Variants in CAMK1D observed in about 807,000 individuals in gnomAD.
CAMK1D encodes calcium/calmodulin dependent protein kinase ID, also known as calcium/calmodulin-dependent protein kinase type 1D.
Under a neutral mutation model 47.7 loss-of-function variants are expected in CAMK1D, and 9 were observed. That is an observed-to-expected ratio of 0.19 (90% CI 0.11 to 0.33). CAMK1D has a LOEUF of 0.33. Ranked by LOEUF, CAMK1D falls within the 10% of genes least tolerant of loss-of-function variation. The probability of loss-of-function intolerance (pLI) is 1.00; values close to 1 mark genes in which losing one functional copy is unlikely to be tolerated. For missense variants in CAMK1D, 291 were observed against 488.7 expected (o/e 0.60, Z 3.81); for synonymous variants, 184 against 184.9 (o/e 0.99, Z 0.04).
chr10:12,407,651 G>T (rs898447646), intron 1 of CAMK1D, among the ~76,000 whole-genome samples: 1 of 152,162 alleles, frequency 6.6e-6, no homozygotes, highest in African/African-American at 2.4e-5. Flanking sequence ...TGGTTGAGCT[G>T]GTTGATTGAA....
chr10:12,658,974 A>G (rs1360433956), intron 2 of CAMK1D, among the ~76,000 whole-genome samples: 1 of 152,178 alleles, frequency 6.6e-6, no homozygotes, highest in Non-Finnish European at 1.5e-5. Flanking sequence ...TGATTAACAC[A>G]AGCTGCTTAC....
intron 1 of CAMK1D, among the ~76,000 whole-genome samples, chr10:12,387,389 ATTATATAT>A (rs1259719344): frequency 2.5e-4 from 8 of 31,700 alleles, no homozygotes; most frequent in South Asian, 4.5e-3. Context: ...TATTATATAT[ATTATATAT>A]TTTTATATAT....
At chr10:12,516,355 C>T (rs1835211829) in intron 1 of CAMK1D, among the ~76,000 whole-genome samples, 1 of 152,184 alleles carries the variant, frequency 6.6e-6, no homozygotes, top group Non-Finnish European at 1.5e-5. Context: ...GATCTACCCA[C>T]CTCAGCCTCC....
At chr10:12,440,836 G>A (rs1832765780) in intron 1 of CAMK1D, among the ~76,000 whole-genome samples, 2 of 152,196 alleles carry the variant, frequency 1.3e-5, no homozygotes, top group African/African-American at 4.8e-5. Flanking sequence ...TGAAAATACA[G>A]CATCTTGGCA....
chr10:12,447,874 T>A (rs192084337), intron 1 of CAMK1D, among the ~76,000 whole-genome samples: 175 of 152,274 alleles, frequency 1.1e-3, no homozygotes, highest in African/African-American at 4.1e-3. Flanking sequence ...TTTTTTGAGA[T>A]GGAGTTTCGC....
intron 1 of CAMK1D, among the ~76,000 whole-genome samples, chr10:12,476,878 A>G (rs1833918193): frequency 6.6e-6 from 1 of 152,150 alleles, no homozygotes; most frequent in African/African-American, 2.4e-5. Context: ...TGTCTGCTCC[A>G]GGTCCTGTTA....
At chr10:12,782,509 G>A (rs2130969434) in intron 5 of CAMK1D, among the ~76,000 whole-genome samples, 1 of 152,338 alleles carries the variant, frequency 6.6e-6, no homozygotes, top group South Asian at 2.1e-4. Context: ...CTGCTGGGTA[G>A]AAATGTCATC....
chr10:12,783,954 G>T (rs538955783), intron 5 of CAMK1D, among the ~76,000 whole-genome samples: 2 of 152,132 alleles, frequency 1.3e-5, no homozygotes, highest in African/African-American at 4.8e-5. Context: ...CTCCACAGGG[G>T]TCTCTGATGG....
intron 2 of CAMK1D, among the ~76,000 whole-genome samples, chr10:12,599,090 T>C (rs879633268): frequency 2.6e-5 from 4 of 152,186 alleles, no homozygotes; most frequent in African/African-American, 4.8e-5. Flanking sequence ...GAATTGTATG[T>C]TCATATGTTC....
intron 1 of CAMK1D, among the ~76,000 whole-genome samples, chr10:12,363,274 A>C (rs1352152566): frequency 1.3e-5 from 2 of 150,700 alleles, no homozygotes; most frequent in Non-Finnish European, 2.9e-5. Flanking sequence ...TTTGTTTTTG[A>C]GACGGATTCT....
chr10:12,381,727 G>A lies in CAMK1D; in HGVS notation c.92+31817G>A, dbSNP rs577160552. On this transcript the variant is annotated intron_variant, in intron 1 of 10. Coordinates refer to ENST00000619168, the MANE Select transcript of CAMK1D (RefSeq NM_153498.4). ...GGCGTGGCATACAGAAGCAGTCCGC[G>A]TTCATGTTCGGAGTCTGGTCAGTGT... is the stretch of plus-strand genomic sequence containing the variant. Among the ~76,000 whole-genome samples the A allele has an allele frequency of 1.4e-4, 22 of 152,220 alleles. No homozygotes were observed. The East Asian group carries it at 2.9e-3, about 20-fold the overall frequency.
chr10:12,378,609 C>A (rs920887263), intron 1 of CAMK1D, among the ~76,000 whole-genome samples: 1 of 151,322 alleles, frequency 6.6e-6, no homozygotes, highest in African/African-American at 2.4e-5. Context: ...AATCAGGTAG[C>A]TGATCCCAAT....
chr10:12,649,027 C>G (rs776779292), intron 2 of CAMK1D, among the ~76,000 whole-genome samples: 3 of 152,086 alleles, frequency 2.0e-5, no homozygotes, highest in Non-Finnish European at 2.9e-5. Flanking sequence ...CCACCATGCT[C>G]AGCTAATTTT....
chr10:12,396,977 G>A (rs1395187683), intron 1 of CAMK1D, among the ~76,000 whole-genome samples: 4 of 152,138 alleles, frequency 2.6e-5, no homozygotes, highest in Admixed American at 1.3e-4. Context: ...ACAATTTATC[G>A]CTCATCTCGA....
chr10:12,444,629 A>T lies in CAMK1D; in HGVS notation c.92+94719A>T, dbSNP rs147784753. On this transcript the variant is annotated intron_variant, in intron 1 of 10. Transcript: ENST00000619168. ...TGGTCTAGAAAGCCAGAACAATTTG[A>T]AGCAGGGATTTCCAAAATCTCTGAA... Among the ~76,000 whole-genome samples the T allele has an allele frequency of 3.3e-5, 5 of 152,322 alleles. No individual in the cohort carries two copies. The East Asian group carries it at 9.6e-4, about 29-fold the overall frequency.
At chr10:12,735,628 C>G (rs1835154296) in intron 3 of CAMK1D, among the ~76,000 whole-genome samples, 1 of 152,204 alleles carries the variant, frequency 6.6e-6, no homozygotes, top group Admixed American at 6.5e-5. Flanking sequence ...GCTGGTCACT[C>G]TCACCTCTAG....
chr10:12,818,537 GGT>G (rs1832895693), intron 8 of CAMK1D, among the ~76,000 whole-genome samples: 1 of 152,132 alleles, frequency 6.6e-6, no homozygotes, highest in Admixed American at 6.5e-5. Flanking sequence ...CGGACACGGT[GGT>G]GTGTGCCTGT....
intron 1 of CAMK1D, among the ~76,000 whole-genome samples, chr10:12,494,740 T>G (rs2132127167): frequency 6.6e-6 from 1 of 152,268 alleles, no homozygotes; most frequent in South Asian, 2.1e-4. Flanking sequence ...AATTTTTTTT[T>G]GTATTTTTAG....
intron 1 of CAMK1D, among the ~76,000 whole-genome samples, chr10:12,352,160 A>C (rs1006403328): frequency 1.4e-4 from 22 of 152,188 alleles, no homozygotes; most frequent in Non-Finnish European, 2.9e-5. Flanking sequence ...TTAGCTAACT[A>C]TTAAGTGGCG....
Sources: gnomAD v4.1 joint callset for allele counts (sites outside exome capture counted in the v4.1 genomes callset) on GRCh38, gnomAD v4.1.1 for gene constraint, MANE v1.5 for transcripts, NCBI Gene and HGNC (gene_info 2026-07-23, HGNC 2026-07-21) for gene names.